The following GNG7 variants were observed in gnomAD, a reference collection of about 807,000 sequenced individuals.
GNG7 encodes G protein subunit gamma 7.
A neutral mutation model predicts 4.0 loss-of-function variants in GNG7; 1 was observed. The ratio of observed to expected loss-of-function variants is 0.25; its 90% CI spans 0.09 to 1.18. GNG7 has a LOEUF of 1.18. Ranked by LOEUF, GNG7 falls within the 50% of genes most tolerant of loss-of-function variation. GNG7 has a pLI of 0.50. For missense variants in GNG7, 86 were observed against 91.9 expected (o/e 0.94, Z 0.26); for synonymous variants, 34 against 36.9 (o/e 0.92, Z 0.29).
intron 2 of GNG7, among the ~76,000 whole-genome samples, chr19:2,581,389 C>A (rs1277771425): frequency 6.6e-6 from 1 of 151,890 alleles, no homozygotes; most frequent in African/African-American, 2.4e-5. Flanking sequence ...CAGTCAATTC[C>A]TTCACTTGCA....
intron 1 of GNG7, among the ~76,000 whole-genome samples, chr19:2,657,326 C>A (rs1983000210): frequency 1.1e-5 from 1 of 93,234 alleles, no homozygotes; most frequent in Admixed American, 1.4e-4. Context: ...AAAGCAAGAC[C>A]CCGTCTCAAT....
chr19:2,531,444 T>A (rs1978582625), intron 3 of GNG7, among the ~76,000 whole-genome samples: 1 of 151,700 alleles, frequency 6.6e-6, no homozygotes, highest in Non-Finnish European at 1.5e-5. Context: ...TGGCCCCAAA[T>A]GCCTGGAAGA....
chr19:2,669,650 TGCCTGCAACGGAGAGC>T (rs150354055), intron 1 of GNG7, among the ~76,000 whole-genome samples: 93 of 152,322 alleles, frequency 6.1e-4, no homozygotes, highest in African/African-American at 2.2e-3. Context: ...CAGAGTTGAG[TGCCTGCAACGGAGAGC>T]GCCTGGCTCA....
At chr19:2,522,524 C>T (rs963125744) in intron 3 of GNG7, among the ~76,000 whole-genome samples, 6 of 151,882 alleles carry the variant, frequency 4.0e-5, no homozygotes, top group African/African-American at 1.5e-4. Context: ...CCTGTAATCC[C>T]AGCACTTTGG....
Position 2,626,158 on chromosome 19 carries a change from C to G in GNG7, c.-78+20066G>C, listed in dbSNP as rs1458461994. Among the ~76,000 whole-genome samples, 1 of 152,162 alleles carries G rather than the reference C, an allele frequency of 6.6e-6. No homozygotes were observed. Among genetic ancestry groups the G allele is most frequent in the African/African-American group, 2.4e-5 (1 of 41,438 alleles). On this transcript the variant is annotated intron_variant, in intron 2 of 4. Transcript: ENST00000382159. This position sits in a 1 kb window ranked among gnomAD's most constrained non-coding sequence, Gnocchi z 5.0. ...GGTGATCACCCCCCATTTTACCAAA[C>G]AGAAGCAGAGAGTGACCGCGGGTGC...
At chr19:2,527,778 C>T (rs1014456506) in intron 3 of GNG7, among the ~76,000 whole-genome samples, 7 of 151,682 alleles carry the variant, frequency 4.6e-5, no homozygotes, top group African/African-American at 1.5e-4. Flanking sequence ...CAGGAAACCC[C>T]CCCCCCCACC....
At chr19:2,583,572 A>G (rs1050434869) in intron 2 of GNG7, among the ~76,000 whole-genome samples, 2 of 152,218 alleles carry the variant, frequency 1.3e-5, no homozygotes, top group African/African-American at 4.8e-5. Context: ...TTCTAGAGTG[A>G]CTTTCACACT....
intron 2 of GNG7, among the ~76,000 whole-genome samples, chr19:2,644,122 G>A (rs1207053992): frequency 2.0e-5 from 3 of 151,780 alleles, no homozygotes; most frequent in Admixed American, 2.0e-4. Context: ...CCGCGTTCAA[G>A]CAATCCTCCC....
In GNG7 at chr19:2,513,041, C is replaced by T. The variant is rs970453453; in HGVS notation, c.*1981G>A. On this transcript the variant is annotated 3_prime_UTR_variant, in exon 5 of 5. Coordinates refer to ENST00000382159, the MANE Select transcript of GNG7 (RefSeq NM_052847.3). ...GAAGCCCCAGCCCTCCCGGACCTGC[C>T]GTAGAGAGCTGGGTGCCGGGGGTGG... 15 of 985,354 alleles carry T rather than the reference C, an allele frequency of 1.5e-5. No individual in the cohort carries two copies. The Admixed American group carries it at 2.5e-4, about 16-fold the overall frequency. The allele number at this position is 985,354 out of a possible 1,614,324, so 61.0% of individuals were successfully genotyped here.
intron 1 of GNG7, among the ~76,000 whole-genome samples, chr19:2,657,378 A>ATTTATATATATATATATAAATT (rs1983022090): frequency 3.5e-5 from 2 of 57,394 alleles, no homozygotes; most frequent in African/African-American, 9.7e-5. Context: ...ATATATATAT[A>ATTTATATATATATATATAAATT]TATATATATA....
intron 1 of GNG7, among the ~76,000 whole-genome samples, chr19:2,674,153 T>C (rs1983536139): frequency 6.6e-6 from 1 of 152,070 alleles, no homozygotes; most frequent in Admixed American, 6.6e-5. Context: ...TAATCCCAGC[T>C]ACTCCAGAGG....
intron 2 of GNG7, among the ~76,000 whole-genome samples, chr19:2,564,149 C>T (rs914149849): frequency 2.0e-5 from 3 of 152,150 alleles, no homozygotes; most frequent in East Asian, 1.9e-4. Context: ...CAAAAGCTCA[C>T]GTCCTCCTGG....
chr19:2,694,496 G>A (rs887108275), intron 1 of GNG7, among the ~76,000 whole-genome samples: 5 of 149,530 alleles, frequency 3.3e-5, no homozygotes, highest in Admixed American at 2.7e-4. Flanking sequence ...AGAACAATCC[G>A]GTCCCCCCTA....
At chr19:2,580,286 A>AT (rs5826774) in intron 2 of GNG7, among the ~76,000 whole-genome samples, 1,554 of 133,524 alleles carry the variant, frequency 0.012, 15 homozygotes, top group South Asian at 0.032. Flanking sequence ...GTCTGGTTCT[A>AT]TTTTTTTTTT....
chr19:2,693,968 CACTT>C (rs77797310), intron 1 of GNG7, among the ~76,000 whole-genome samples: 12,868 of 152,152 alleles, frequency 0.085, 642 homozygotes, highest in Middle Eastern at 0.16. Context: ...CAATATCAGA[CACTT>C]AATATTGTGT....
rs992073140 is a variant in GNG7, at chr19:2,546,761, G to C, written c.-38+8388C>G. Among the ~76,000 whole-genome samples, 7 of 152,188 alleles carry C rather than the reference G, an allele frequency of 4.6e-5. No homozygotes were observed. The highest frequency in any genetic ancestry group is 8.8e-5 in the Non-Finnish European group (6 of 68,030). ...GGTCGCCGCGGTGACGGGAGCAGGA[G>C]AAAAGAAAAGCTGCTCTCTGTCCAC... On this transcript the variant is annotated intron_variant, in intron 3 of 4. Transcript: ENST00000382159. The surrounding 1 kb of genome is among the most constrained non-coding windows in gnomAD (Gnocchi z 6.3).
intron 3 of GNG7, among the ~76,000 whole-genome samples, chr19:2,529,161 A>G (rs1480364890): frequency 6.6e-6 from 1 of 152,146 alleles, no homozygotes; most frequent in East Asian, 1.9e-4. Flanking sequence ...TTCGGGATAG[A>G]GCCACAAACT....
chr19:2,637,019 C>T (rs1477732732), intron 2 of GNG7, among the ~76,000 whole-genome samples: 1 of 151,968 alleles, frequency 6.6e-6, no homozygotes, highest in African/African-American at 2.4e-5. Context: ...CCTCCAACTC[C>T]ACTTGTCCTC....
intron 2 of GNG7, among the ~76,000 whole-genome samples, chr19:2,584,807 G>A (rs1157247980): frequency 2.4e-5 from 1 of 41,228 alleles, no homozygotes; most frequent in Non-Finnish European, 4.1e-5. Context: ...AAAGAAGGAA[G>A]GAGGGAGGGA....
Sources: gnomAD v4.1 joint callset for allele counts (sites outside exome capture counted in the v4.1 genomes callset) on GRCh38, gnomAD v4.1.1 for gene constraint, Gnocchi (gnomAD v3.1) non-coding constraint, MANE v1.5 for transcripts, NCBI Gene and HGNC (gene_info 2026-07-23, HGNC 2026-07-21) for gene names.